The following KCTD19 variants were observed in gnomAD, a reference collection of about 807,000 sequenced individuals.
The protein encoded by KCTD19 is potassium channel tetramerization domain containing 19.
Under a neutral mutation model 103.5 loss-of-function variants are expected in KCTD19, and 67 were observed. The observed-to-expected ratio is 0.65, with a 90% CI of 0.53 to 0.79. The LOEUF (loss-of-function observed/expected upper bound fraction) is 0.79. Among genes scored for constraint, KCTD19 ranks in the 30% least tolerant of loss-of-function variants. The probability of loss-of-function intolerance (pLI) is 0.00; values close to 1 mark genes in which losing one functional copy is unlikely to be tolerated. For synonymous variants in KCTD19, 439 were observed against 452.2 expected, an observed-to-expected ratio of 0.97 and a Z score of 0.37; for missense variants, 980 against 1,136.1, an observed-to-expected ratio of 0.86 and a Z score of 1.98.
In KCTD19 at chr16:67,294,627, TC is replaced by T. The variant is rs1246058351; in HGVS notation, c.1542del (p.Thr515GlnfsTer125). On this transcript the variant is annotated frameshift_variant, in exon 11 of 16. Transcript: ENST00000304372. LOFTEE classifies it high-confidence loss of function. Reference sequence around the variant, plus strand: ...TCCACCAGTGACCCTGGCCCTTCTGTCACCACATGCAGCCTCCTGATGGAAA... The same window carrying T: ...TCCACCAGTGACCCTGGCCCTTCTGTACCACATGCAGCCTCCTGATGGAAA... ...EAFSIRRLHV[V>X]TEGPGSLVEF... is the part of the protein sequence containing the mutation. The T allele has an allele frequency of 1.9e-6, 3 of 1,614,036 alleles. No individual in the cohort carries two copies. The highest frequency in any genetic ancestry group is 2.7e-5 in the African/African-American group (2 of 74,926).
At position 67,320,130 on chromosome 16, in the gene KCTD19, C is replaced by T. The variant is rs945105614; in HGVS notation, c.300+459G>A. ...ATAGGCGGGGTGTAGTGGCTCATGC[C>T]GGTAATCCCAGCTCTTAGGGAGGCT... On this transcript the variant is annotated intron_variant, in intron 2 of 15. Transcript: ENST00000304372. The surrounding 1 kb of genome is among the most constrained non-coding windows in gnomAD (Gnocchi z 4.0). 2.0e-5 allele frequency among the ~76,000 whole-genome samples: 3 copies of T among 152,234 alleles called. No individual in the cohort carries two copies. Among genetic ancestry groups the T allele is most frequent in the African/African-American group, 4.8e-5 (2 of 41,538 alleles).
intron 2 of KCTD19, among the ~76,000 whole-genome samples, chr16:67,313,604 T>C (rs1227243511): frequency 2.6e-5 from 4 of 152,128 alleles, no homozygotes; most frequent in African/African-American, 7.2e-5. Flanking sequence ...TTCTTTTTAT[T>C]TGGGGATAGA....
intron 8 of KCTD19, 142 bp from the exon 9 acceptor site, chr16:67,295,547 G>T: frequency 1.3e-6 from 1 of 784,746 alleles, no homozygotes. Flanking sequence ...CAGTCACAAG[G>T]AACCATGGTG....
At chr16:67,324,646 T>G (rs1406098984) in intron 1 of KCTD19, among the ~76,000 whole-genome samples, 1 of 152,140 alleles carries the variant, frequency 6.6e-6, no homozygotes, top group Non-Finnish European at 1.5e-5. Flanking sequence ...GGTGATTACT[T>G]AAGAAAGGAA....
chr16:67,291,760 G>C lies in KCTD19; in HGVS notation c.2296C>G (p.Pro766Ala). Residue 766 changes from proline to alanine, a missense_variant, in exon 13 of 16, where the codon CCC becomes GCC. By Grantham distance (27) the Pro-to-Ala change is conservative. Transcript: ENST00000304372. Reference protein sequence around the residue: ...SLGVILKVTHPPVVGSDGFCM... With the variant: ...SLGVILKVTHAPVVGSDGFCM... ...AAGCCATCGCTGCCCACCACGGGGG[G>C]GTGAGTCACTTTGAGGATAACCCCT... 1 of 1,614,138 alleles carries C rather than the reference G, an allele frequency of 6.2e-7. No homozygotes were observed. The highest frequency in any genetic ancestry group is 8.5e-7 in the Non-Finnish European group (1 of 1,179,984).
At chr16:67,315,619 T>C (rs945334225) in intron 2 of KCTD19, among the ~76,000 whole-genome samples, 2 of 152,122 alleles carry the variant, frequency 1.3e-5, no homozygotes, top group Non-Finnish European at 2.9e-5. Flanking sequence ...GTAGCTGGGA[T>C]TATAGGCGCA....
Position 67,291,747 on chromosome 16 carries a change from C to G in KCTD19, c.2309G>C (p.Gly770Ala). 6.2e-7 allele frequency: 1 copy of G among 1,614,134 alleles called. No individual in the cohort carries two copies. Among genetic ancestry groups the G allele is most frequent in the Non-Finnish European group, 8.5e-7 (1 of 1,179,990 alleles). The change falls in exon 13 of 16, where the codon GGC becomes GCC. Residue 770 changes from glycine (G) to alanine (A), a missense_variant. Coordinates refer to ENST00000304372, the MANE Select transcript of KCTD19 (RefSeq NM_001100915.3). ...AAAGAACATGCAGAAGCCATCGCTG[C>G]CCACCACGGGGGGGTGAGTCACTTT... is the stretch of plus-strand genomic sequence containing the variant. ...ILKVTHPPVV[G>A]SDGFCMFFED...
intron 15 of KCTD19, among the ~76,000 whole-genome samples, chr16:67,290,515 G>A (rs1006415905): frequency 1.3e-5 from 2 of 152,174 alleles, no homozygotes; most frequent in Admixed American, 6.5e-5. Context: ...TGAAAGGAAT[G>A]TACACAATTG....
rs764086655 is a variant in KCTD19 at position 67,300,258 on chromosome 16, G to A, written c.776-685C>T. 10 of 152,258 alleles carry A rather than the reference G, an allele frequency of 6.6e-5. No individual in the cohort carries two copies. Among genetic ancestry groups the A allele is most frequent in the East Asian group, 1.9e-4 (1 of 5,200 alleles). 9.4% of individuals were successfully genotyped at this position (152,258 alleles called of 1,614,324 possible). A position where few individuals can be genotyped will look rare whatever the true frequency, so the allele number is the denominator to read the frequency against. ...GGGGATAGTGCTATCATCATTTCACGTTGAAGAACCTGCCCTGAGAGGCTA... is the reference window on the plus strand; with the variant it reads ...GGGGATAGTGCTATCATCATTTCACATTGAAGAACCTGCCCTGAGAGGCTA... On this transcript the variant is annotated intron_variant, in intron 5 of 15. Transcript: ENST00000304372. This position sits in a 1 kb window ranked among gnomAD's most constrained non-coding sequence, Gnocchi z 4.5.
chr16:67,294,533 G>T, intron 11 of KCTD19, 47 bp downstream of exon 11: 1 of 1,322,028 alleles, frequency 7.6e-7, no homozygotes. Flanking sequence ...GAGCCCGGTG[G>T]TAGTGGTTTT....
At chr16:67,289,908 G>C (rs534337953) in intron 15 of KCTD19, among the ~76,000 whole-genome samples, 1 of 152,324 alleles carries the variant, frequency 6.6e-6, no homozygotes, top group South Asian at 2.1e-4. Flanking sequence ...TCTGTTTCCT[G>C]CTACTGGTTT....
At chr16:67,298,494 A>G (rs1161180709) in intron 6 of KCTD19, among the ~76,000 whole-genome samples, 1 of 152,148 alleles carries the variant, frequency 6.6e-6, no homozygotes, top group African/African-American at 2.4e-5. Flanking sequence ...GCATCTGCCC[A>G]AGACATCTCA....
rs920274349 is a variant in KCTD19 at position 67,293,192 on chromosome 16, C to T, written c.2218+352G>A. On this transcript the variant is annotated intron_variant, in intron 12 of 15. Transcript: ENST00000304372. This position sits in a 1 kb window ranked among gnomAD's most constrained non-coding sequence, Gnocchi z 4.0. ...CTGTCTTCAGCCTCATCTTTTATCA[C>T]GTCTGCATGTGAAGCCTGGCCTCCA... Among the ~76,000 whole-genome samples, 2 of 152,208 alleles carry T rather than the reference C, an allele frequency of 1.3e-5. No homozygotes were observed. Among genetic ancestry groups the T allele is most frequent in the Non-Finnish European group, 2.9e-5 (2 of 68,036 alleles).
At chr16:67,305,688 A>T (rs1164942316) in intron 2 of KCTD19, 2 of 434,686 alleles carry the variant, frequency 4.6e-6, no homozygotes, top group Non-Finnish European at 9.3e-6. Flanking sequence ...GAAGATACAT[A>T]GTATTTTCCC....
chr16:67,304,667 C>CT (rs202043636), intron 2 of KCTD19, 96 bp from the exon 3 acceptor site: 81,122 of 830,850 alleles, frequency 0.098, 8 homozygotes, highest in East Asian at 0.11. Context: ...ATGTGACTTA[C>CT]TTTTTTTTTT....
At chr16:67,301,033 CTG>C (rs1362244946) in intron 5 of KCTD19, 3 of 152,262 alleles carry the variant, frequency 2.0e-5, no homozygotes, top group Admixed American at 6.5e-5. Flanking sequence ...GGATAAATGT[CTG>C]GTGATGTCCA....
intron 2 of KCTD19, among the ~76,000 whole-genome samples, chr16:67,307,636 GT>G (rs1391938472): frequency 4.6e-5 from 7 of 151,860 alleles, no homozygotes. Context: ...TAAGTTTTAA[GT>G]TTTTTGTAAA....
intron 4 of KCTD19, 22 bp from the exon 5 acceptor site, chr16:67,301,944 C>G: frequency 6.2e-7 from 1 of 1,613,284 alleles, no homozygotes; most frequent in Non-Finnish European, 8.5e-7. Context: ...AAGGGGAACA[C>G]AGTGAGTTAA....
intron 2 of KCTD19, among the ~76,000 whole-genome samples, chr16:67,319,251 T>C (rs948797101): frequency 3.9e-5 from 6 of 151,992 alleles, no homozygotes; most frequent in African/African-American, 1.4e-4. Context: ...AGAAAATTTC[T>C]GATTTCCAAA....
Sources: allele counts gnomAD v4.1 joint callset (sites outside exome capture counted in the v4.1 genomes callset), GRCh38; gene constraint gnomAD v4.1.1; non-coding constraint Gnocchi (gnomAD v3.1); transcripts MANE v1.5; gene names NCBI Gene and HGNC (gene_info 2026-07-23, HGNC 2026-07-21).